The following ZC4H2 variants were observed in gnomAD, a reference collection of about 807,000 sequenced individuals.
ZC4H2 encodes the protein zinc finger C4H2 domain-containing protein.
For synonymous variants in ZC4H2, 84 were observed against 66.3 expected (o/e 1.27, Z -1.30); for missense variants, 137 against 173.9 (o/e 0.79, Z 1.19).
intron 1 of ZC4H2, among the ~76,000 whole-genome samples, chrX:64,983,193 A>G (rs1250488962): frequency 1.8e-5 from 2 of 111,893 alleles, no homozygotes; most frequent in African/African-American, 6.5e-5. Context: ...TCAAGGGCAA[A>G]TAACTTCCCC....
chrX:64,988,309 C>T (rs1416362702), intron 1 of ZC4H2, among the ~76,000 whole-genome samples: 1 of 111,571 alleles, frequency 9.0e-6, no homozygotes, highest in African/African-American at 3.3e-5. Flanking sequence ...GGAATCACCA[C>T]ACTGACTTCC....
At chrX:64,986,137 AT>A (rs1371230682) in intron 1 of ZC4H2, among the ~76,000 whole-genome samples, 8 of 112,517 alleles carry the variant, frequency 7.1e-5, no homozygotes, top group Non-Finnish European at 1.5e-4. Flanking sequence ...ATTTATTCCA[AT>A]TTGTCCTTAT....
At chrX:64,932,588 TGAA>T (rs1228294145) in intron 1 of ZC4H2, among the ~76,000 whole-genome samples, 2 of 111,627 alleles carry the variant, frequency 1.8e-5, no homozygotes, top group Non-Finnish European at 1.9e-5. Context: ...GATTTGTTTT[TGAA>T]GAAGACTTTA....
chrX:65,001,412 C>T (rs1405716039), intron 1 of ZC4H2, among the ~76,000 whole-genome samples: 1 of 111,956 alleles, frequency 8.9e-6, no homozygotes, highest in Non-Finnish European at 1.9e-5. Flanking sequence ...TTTGTCACTA[C>T]TAGGCCTGCC....
chrX:64,981,951 T>C (rs1026872414), intron 1 of ZC4H2, among the ~76,000 whole-genome samples: 9 of 111,201 alleles, frequency 8.1e-5, no homozygotes, highest in Admixed American at 9.5e-5. Context: ...CTTTATGTCA[T>C]TGAAATTTCA....
rs930181704 is a variant in ZC4H2 at position 64,940,781 on chromosome X, T to C, written c.54-18793A>G. Among the ~76,000 whole-genome samples, 3 of 111,878 alleles carry C rather than the reference T, an allele frequency of 2.7e-5. No individual in the cohort carries two copies. The Admixed American group carries it at 2.8e-4, about 11-fold the overall frequency. The stretch of plus-strand genomic sequence containing the variant: ...TATATCTGTTTTGGTACCAGTACCA[T>C]GGTGTTTTGGTTACCATAGCCTTGT... On this transcript the variant is annotated intron_variant, in intron 1 of 4. Coordinates refer to ENST00000374839, the MANE Select transcript of ZC4H2 (RefSeq NM_018684.4).
chrX:64,984,646 G>C (rs1344932446), intron 1 of ZC4H2, among the ~76,000 whole-genome samples: 1 of 111,324 alleles, frequency 9.0e-6, no homozygotes, highest in Non-Finnish European at 1.9e-5. Context: ...TTATCTATAG[G>C]AGCAACTGGG....
intron 1 of ZC4H2, among the ~76,000 whole-genome samples, chrX:64,947,105 A>G (rs1339022161): frequency 8.9e-6 from 1 of 112,049 alleles, no homozygotes; most frequent in African/African-American, 3.2e-5. Flanking sequence ...TCATTCAGAT[A>G]TATGTTGTTT....
chrX:65,008,817 T>G (rs767141117), intron 1 of ZC4H2, among the ~76,000 whole-genome samples: 2 of 111,272 alleles, frequency 1.8e-5, no homozygotes, highest in African/African-American at 3.3e-5. Flanking sequence ...GGAAGGGTAG[T>G]GTGGAGGTTG....
chrX:64,956,926 G>C (rs761977691), intron 1 of ZC4H2, among the ~76,000 whole-genome samples: 4 of 112,211 alleles, frequency 3.6e-5, no homozygotes, highest in Non-Finnish European at 7.5e-5. Flanking sequence ...TGGTGATAGT[G>C]ACATCAATGA....
At chrX:64,952,722 T>C (rs1467827390) in intron 1 of ZC4H2, among the ~76,000 whole-genome samples, 4 of 109,600 alleles carry the variant, frequency 3.6e-5, no homozygotes, top group Non-Finnish European at 5.7e-5. Context: ...AGAATCAATA[T>C]CGTGAAAATG....
At chrX:64,939,266 C>T (rs895478403) in intron 1 of ZC4H2, among the ~76,000 whole-genome samples, 2 of 111,740 alleles carry the variant, frequency 1.8e-5, no homozygotes. Context: ...GAACTTCAAA[C>T]CACTGCTCAA....
At chrX:64,979,298 T>C (rs1315208487), upstream of ZC4H2, among the ~76,000 whole-genome samples, 1 of 112,230 alleles carries the variant, frequency 8.9e-6, no homozygotes, top group Non-Finnish European at 1.9e-5. Flanking sequence ...CACTCCAATA[T>C]AGGGTGTCTG....
intron 1 of ZC4H2, among the ~76,000 whole-genome samples, chrX:65,029,555 T>C (rs1401364397): frequency 1.8e-5 from 2 of 111,358 alleles, no homozygotes; most frequent in East Asian, 5.6e-4. Context: ...GTCTTGAGTA[T>C]GTTTACAGGC....
chrX:64,970,207 C>T (rs1380789665), intron 1 of ZC4H2, among the ~76,000 whole-genome samples: 1 of 112,307 alleles, frequency 8.9e-6, no homozygotes, highest in East Asian at 2.8e-4. Context: ...ATTTGCTCAA[C>T]TGGAAACAAA....
chrX:64,945,634 C>T (rs762935730), intron 1 of ZC4H2, among the ~76,000 whole-genome samples: 23 of 111,764 alleles, frequency 2.1e-4, no homozygotes, highest in South Asian at 3.8e-4. Flanking sequence ...CTGCTCTCTT[C>T]AGAGCTGGCA....
chrX:64,970,557 T>C (rs1474364664), intron 1 of ZC4H2, among the ~76,000 whole-genome samples: 1 of 110,701 alleles, frequency 9.0e-6, no homozygotes, highest in Non-Finnish European at 1.9e-5. Context: ...AGGGAGGATA[T>C]CAATTCAAAA....
chrX:64,996,179 A>T (rs1004795317), intron 1 of ZC4H2, among the ~76,000 whole-genome samples: 1 of 111,848 alleles, frequency 8.9e-6, no homozygotes, highest in African/African-American at 3.3e-5. Flanking sequence ...TAAAGACAGA[A>T]ATAGGTGAAT....
At chrX:64,947,164 G>A (rs951540679) in intron 1 of ZC4H2, among the ~76,000 whole-genome samples, 1 of 111,826 alleles carries the variant, frequency 8.9e-6, no homozygotes, top group Non-Finnish European at 1.9e-5. Flanking sequence ...CTGGTTTACT[G>A]GTTTTTAGTT....
Sources: allele counts gnomAD v4.1 joint callset (sites outside exome capture counted in the v4.1 genomes callset), GRCh38; gene constraint gnomAD v4.1.1; transcripts MANE v1.5; gene names NCBI Gene and HGNC (gene_info 2026-07-23, HGNC 2026-07-21).